RPS6KC1: variants seen among roughly 807,000 people sequenced by gnomAD.
The protein encoded by RPS6KC1 is inactive ribosomal protein S6 kinase delta-1.
Under a neutral mutation model 103.8 loss-of-function variants are expected in RPS6KC1, and 54 were observed. The observed-to-expected ratio is 0.52, with a 90% CI of 0.42 to 0.65. The LOEUF is 0.65. RPS6KC1 is among the 30% of genes least tolerant of loss of function. The pLI, the probability that RPS6KC1 is intolerant of heterozygous loss-of-function variation, is 0.00. For synonymous variants in RPS6KC1, 439 were observed against 438.7 expected (o/e 1.00, Z -0.01); for missense variants, 1,151 against 1,253.8 (o/e 0.92, Z 1.24).
rs528246216 is a variant in RPS6KC1, at chr1:213,111,231, G to A, written c.379-6086G>A. ...TTCTCCAGATTTATAATTGCCTTTT[G>A]GGGAAAGCATTTGCTGGATCTCCTC... is the stretch of plus-strand genomic sequence containing the variant. On this transcript the variant is annotated intron_variant, in intron 4 of 14. Coordinates refer to ENST00000366960, the MANE Select transcript of RPS6KC1 (RefSeq NM_012424.6). Among the ~76,000 whole-genome samples the A allele has an allele frequency of 1.1e-4, 17 of 152,052 alleles. No homozygotes were observed. The South Asian group carries it at 3.1e-3, about 28-fold the overall frequency.
At chr1:213,155,500 G>C (rs1349537165) in intron 6 of RPS6KC1, among the ~76,000 whole-genome samples, 1 of 152,076 alleles carries the variant, frequency 6.6e-6, no homozygotes, top group Non-Finnish European at 1.5e-5. Flanking sequence ...GGCTTTAGCT[G>C]AGTTTGGTCC....
At chr1:213,384,216 C>T in the RPS6KC1 span, among the ~76,000 whole-genome samples, 33 of 151,844 alleles carry the variant, frequency 2.2e-4, no homozygotes, top group African/African-American at 7.8e-4. Context: ...GTGGAGCTTG[C>T]CGTGAGCTGA....
chr1:213,571,658 A>G, the RPS6KC1 span, among the ~76,000 whole-genome samples: 1 of 152,188 alleles, frequency 6.6e-6, no homozygotes, highest in Non-Finnish European at 1.5e-5. Context: ...CAAATTTGTA[A>G]GGTTTGTCTG....
At chr1:213,703,348 A>G in the RPS6KC1 span, among the ~76,000 whole-genome samples, 1 of 152,116 alleles carries the variant, frequency 6.6e-6, no homozygotes, top group Non-Finnish European at 1.5e-5. Context: ...TGAATGGTTC[A>G]TTATTTAGTT....
At chr1:213,140,194 G>A (rs981227976) in intron 6 of RPS6KC1, among the ~76,000 whole-genome samples, 2 of 152,072 alleles carry the variant, frequency 1.3e-5, no homozygotes, top group Non-Finnish European at 2.9e-5. Context: ...ATTGATTTTT[G>A]TATTCTGAAA....
the RPS6KC1 span, among the ~76,000 whole-genome samples, chr1:213,641,143 A>G: frequency 7.1e-6 from 1 of 141,494 alleles, no homozygotes; most frequent in African/African-American, 2.6e-5. Flanking sequence ...TAATATAACC[A>G]CTGATTCTTA....
At chr1:213,262,593 T>C in intron 13 of RPS6KC1, 128 bp from the exon 14 acceptor site, 1 of 681,972 alleles carries the variant, frequency 1.5e-6, no homozygotes, top group Non-Finnish European at 2.7e-6. Flanking sequence ...TAGGCGGCAC[T>C]GTGTTGATTA....
At chr1:213,791,473 T>C in the RPS6KC1 span, among the ~76,000 whole-genome samples, 1 of 152,144 alleles carries the variant, frequency 6.6e-6, no homozygotes, top group African/African-American at 2.4e-5. Flanking sequence ...AGGTACTATT[T>C]CTAAACAGCC....
At chr1:213,272,238 A>G (rs2095062749) in intron 14 of RPS6KC1, among the ~76,000 whole-genome samples, 1 of 152,220 alleles carries the variant, frequency 6.6e-6, no homozygotes, top group Non-Finnish European at 1.5e-5. Context: ...ATTGATAGGT[A>G]TAACTATCCT....
chr1:213,691,964 G>GTTCA, the RPS6KC1 span, among the ~76,000 whole-genome samples: 2 of 152,202 alleles, frequency 1.3e-5, no homozygotes, highest in African/African-American at 2.4e-5. Context: ...TTTCTCTGAG[G>GTTCA]CCCTAGCGCT....
At chr1:213,769,869 G>C in the RPS6KC1 span, among the ~76,000 whole-genome samples, 1 of 152,134 alleles carries the variant, frequency 6.6e-6, no homozygotes, top group Non-Finnish European at 1.5e-5. Context: ...CAGCTGACCG[G>C]GTGTTGATAA....
chr1:213,707,449 C>G, the RPS6KC1 span, among the ~76,000 whole-genome samples: 1 of 151,810 alleles, frequency 6.6e-6, no homozygotes, highest in South Asian at 2.1e-4. Flanking sequence ...AGATATTAGG[C>G]CTTTGTCAGA....
chr1:213,541,371 A>G, the RPS6KC1 span, among the ~76,000 whole-genome samples: 1 of 152,050 alleles, frequency 6.6e-6, no homozygotes, highest in African/African-American at 2.4e-5. Context: ...GAGAATTGCC[A>G]AAATGAGACA....
At chr1:213,493,253 A>G in the RPS6KC1 span, among the ~76,000 whole-genome samples, 9 of 152,312 alleles carry the variant, frequency 5.9e-5, no homozygotes, top group Non-Finnish European at 1.3e-4. Context: ...TTCCTTATTA[A>G]TGTCATAAAG....
chr1:213,463,351 A>T, the RPS6KC1 span, among the ~76,000 whole-genome samples: 1 of 152,272 alleles, frequency 6.6e-6, no homozygotes, highest in East Asian at 1.9e-4. Flanking sequence ...CAGCTGAGTG[A>T]TCTAGCTTTG....
At chr1:213,393,431 C>T in the RPS6KC1 span, among the ~76,000 whole-genome samples, 2 of 152,124 alleles carry the variant, frequency 1.3e-5, no homozygotes, top group Admixed American at 6.5e-5. Context: ...GTTCAAATTC[C>T]TCCCCTTGCT....
At chr1:213,597,732 T>C in the RPS6KC1 span, among the ~76,000 whole-genome samples, 63 of 152,314 alleles carry the variant, frequency 4.1e-4, no homozygotes, top group African/African-American at 1.4e-3. Context: ...CTGTGTCACC[T>C]GGCCTTGCAG....
chr1:213,746,229 G>A, the RPS6KC1 span, among the ~76,000 whole-genome samples: 1 of 152,172 alleles, frequency 6.6e-6, no homozygotes, highest in African/African-American at 2.4e-5. Flanking sequence ...AATTTGAAAG[G>A]GCAGAGTAGG....
the RPS6KC1 span, among the ~76,000 whole-genome samples, chr1:213,313,245 C>T: frequency 6.6e-6 from 1 of 152,198 alleles, no homozygotes; most frequent in Non-Finnish European, 1.5e-5. Flanking sequence ...TGCCTTCAGC[C>T]TTCAAGGCAG....
Sources: gnomAD v4.1 joint callset for allele counts (sites outside exome capture counted in the v4.1 genomes callset) on GRCh38, gnomAD v4.1.1 for gene constraint, MANE v1.5 for transcripts, NCBI Gene and HGNC (gene_info 2026-07-23, HGNC 2026-07-21) for gene names.